BCL2: variants seen among roughly 807,000 people sequenced by gnomAD.
BCL2 encodes the protein BCL2 apoptosis regulator.
A neutral mutation model predicts 14.2 loss-of-function variants in BCL2; 1 was observed. That is an observed-to-expected ratio of 0.07 (90% CI 0.02 to 0.33). The LOEUF is 0.33. Ranked by LOEUF, BCL2 falls within the 10% of genes least tolerant of loss-of-function variation. The pLI is 0.99. For missense variants in BCL2, 247 were observed against 305.9 expected (o/e 0.81, Z 1.44); for synonymous variants, 151 against 137.2 (o/e 1.10, Z -0.70).
At chr18:63,300,417 A>G (rs1400339369) in intron 2 of BCL2, among the ~76,000 whole-genome samples, 1 of 148,132 alleles carries the variant, frequency 6.8e-6, no homozygotes, top group Non-Finnish European at 1.5e-5. Context: ...AAAAAAAAAG[A>G]GAAAAAAACA....
At chr18:63,241,604 G>C (rs1385974458) in intron 2 of BCL2, among the ~76,000 whole-genome samples, 3 of 152,144 alleles carry the variant, frequency 2.0e-5, no homozygotes, top group African/African-American at 7.2e-5. Context: ...CAGATCATCT[G>C]GTCTCTAATT....
intron 2 of BCL2, among the ~76,000 whole-genome samples, chr18:63,294,157 G>A (rs1912734377): frequency 6.6e-6 from 1 of 151,890 alleles, no homozygotes; most frequent in African/African-American, 2.4e-5. Context: ...TTGCAGTGCT[G>A]TTGTCCAGGG....
intron 2 of BCL2, among the ~76,000 whole-genome samples, chr18:63,278,356 G>A (rs756586422): frequency 6.6e-5 from 10 of 152,192 alleles, no homozygotes; most frequent in African/African-American, 1.2e-4. Flanking sequence ...TCAAACTCAG[G>A]TCGGGCTCCC....
chr18:63,267,041 G>A (rs183605800), intron 2 of BCL2, among the ~76,000 whole-genome samples: 188 of 152,344 alleles, frequency 1.2e-3, no homozygotes, highest in African/African-American at 4.4e-3. Flanking sequence ...CTCAGAAGGA[G>A]TGGCTTGTGC....
At chr18:63,284,033 C>G (rs1912393151) in intron 2 of BCL2, among the ~76,000 whole-genome samples, 3 of 152,188 alleles carry the variant, frequency 2.0e-5, no homozygotes, top group African/African-American at 4.8e-5. Context: ...ACTCTAACTG[C>G]AGCAGGTCAG....
In BCL2 at chr18:63,128,412, C is replaced by T; in HGVS notation, c.*213G>A. ...TAATGTAAAAAATAAATGATATTTCCCTTTGGCAGTAAATAGCTGATTCGA... is the reference window on the plus strand; with the variant it reads ...TAATGTAAAAAATAAATGATATTTCTCTTTGGCAGTAAATAGCTGATTCGA... On this transcript the variant is annotated 3_prime_UTR_variant, in exon 3 of 3. Transcript: ENST00000333681. 8 of 424,036 alleles carry T rather than the reference C, an allele frequency of 1.9e-5. No individual in the cohort carries two copies. Among genetic ancestry groups the T allele is most frequent in the South Asian group, 7.0e-5 (1 of 14,384 alleles). 26.3% of individuals were successfully genotyped at this position (424,036 alleles called of 1,614,324 possible). A position where few individuals can be genotyped will look rare whatever the true frequency, so the allele number is the denominator to read the frequency against.
intron 2 of BCL2, among the ~76,000 whole-genome samples, chr18:63,252,425 G>C (rs1911344221): frequency 6.6e-6 from 1 of 152,076 alleles, no homozygotes; most frequent in Non-Finnish European, 1.5e-5. Flanking sequence ...TATTGATACG[G>C]TTTGGCTGTG....
chr18:63,291,699 G>A (rs555049979), intron 2 of BCL2, among the ~76,000 whole-genome samples: 21 of 150,250 alleles, frequency 1.4e-4, no homozygotes, highest in African/African-American at 4.9e-4. Flanking sequence ...ACTATCAACC[G>A]AGGCCCTGGA....
At chr18:63,172,590 G>A (rs531698085) in intron 2 of BCL2, among the ~76,000 whole-genome samples, 4 of 152,218 alleles carry the variant, frequency 2.6e-5, no homozygotes, top group African/African-American at 9.6e-5. Context: ...GACCATCCTA[G>A]CTAACACGGT....
chr18:63,270,150 TTGTTAAC>T (rs58057322), intron 2 of BCL2, among the ~76,000 whole-genome samples: 53,151 of 151,572 alleles, frequency 0.35, 10,246 homozygotes, highest in East Asian at 0.58. Flanking sequence ...GCTAGCAGAA[TTGTTAAC>T]TGTTAACGTC....
chr18:63,204,130 A>T (rs922553280), intron 2 of BCL2, among the ~76,000 whole-genome samples: 3 of 152,248 alleles, frequency 2.0e-5, no homozygotes, highest in Non-Finnish European at 1.5e-5. Context: ...TACCCTGCTC[A>T]CATATGAACT....
intron 2 of BCL2, chr18:63,315,612 T>C (rs1168937633): frequency 6.6e-6 from 1 of 152,220 alleles, no homozygotes; most frequent in Non-Finnish European, 1.5e-5. Context: ...TATTGTCACA[T>C]GCCAAGAAAA....
intron 2 of BCL2, among the ~76,000 whole-genome samples, chr18:63,220,338 G>T (rs1910355096): frequency 1.3e-5 from 2 of 152,084 alleles, no homozygotes; most frequent in Non-Finnish European, 2.9e-5. Context: ...TATTACCATT[G>T]CCCCCTTTCA....
chr18:63,131,964 C>G (rs1000612774), intron 2 of BCL2, among the ~76,000 whole-genome samples: 13 of 152,340 alleles, frequency 8.5e-5, no homozygotes, highest in Non-Finnish European at 1.8e-4. Context: ...TCTCACCACC[C>G]TCACCCCCAC....
chr18:63,239,739 CAAA>C (rs113619764), intron 2 of BCL2, among the ~76,000 whole-genome samples: 1 of 120,396 alleles, frequency 8.3e-6, no homozygotes. Flanking sequence ...GACTCTGTCT[CAAA>C]AAAAAAAAAA....
At chr18:63,176,371 G>C (rs934477289) in intron 2 of BCL2, among the ~76,000 whole-genome samples, 1 of 152,230 alleles carries the variant, frequency 6.6e-6, no homozygotes, top group Non-Finnish European at 1.5e-5. Context: ...CTGGGGACCA[G>C]GGTTCCAAAA....
chr18:63,207,254 C>T lies in BCL2; in HGVS notation c.586-78495G>A, dbSNP rs189184652. 2.1e-3 allele frequency among the ~76,000 whole-genome samples: 315 copies of T among 152,286 alleles called. 1 individual carries two copies. Among genetic ancestry groups the T allele is most frequent in the Non-Finnish European group, 3.7e-3 (252 of 68,024 alleles). Reference sequence around the variant, plus strand: ...AGAGCGAGCCTTGGTCTGTGAACCCCAGGGCCGATGGGCACCGGCTCATCT... The same window carrying T: ...AGAGCGAGCCTTGGTCTGTGAACCCTAGGGCCGATGGGCACCGGCTCATCT... On this transcript the variant is annotated intron_variant, in intron 2 of 2. Transcript: ENST00000333681.
At chr18:63,269,855 G>A (rs1246922034) in intron 2 of BCL2, among the ~76,000 whole-genome samples, 1 of 152,122 alleles carries the variant, frequency 6.6e-6, no homozygotes, top group African/African-American at 2.4e-5. Flanking sequence ...CATATTTACT[G>A]TTAATAACAC....
At chr18:63,277,664 G>A (rs1912195387) in intron 2 of BCL2, among the ~76,000 whole-genome samples, 1 of 151,420 alleles carries the variant, frequency 6.6e-6, no homozygotes, top group African/African-American at 2.4e-5. Flanking sequence ...CTACCAATGG[G>A]CTTAGCTTCC....
Sources: allele counts gnomAD v4.1 joint callset (sites outside exome capture counted in the v4.1 genomes callset), GRCh38; gene constraint gnomAD v4.1.1; transcripts MANE v1.5; gene names NCBI Gene and HGNC (gene_info 2026-07-23, HGNC 2026-07-21).